The following LGSN variants were observed in gnomAD, a reference collection of about 807,000 sequenced individuals.
LGSN encodes lengsin.
In LGSN, 21 loss-of-function variants were observed where a neutral mutation model predicts 19.5. The observed-to-expected ratio is 1.07, with a 90% CI of 0.76 to 1.55. The LOEUF is 1.55. Among genes scored for constraint, LGSN ranks in the 40% most tolerant of loss-of-function variants. The pLI, the probability that LGSN is intolerant of heterozygous loss-of-function variation, is 0.00. For missense variants in LGSN, 673 were observed against 608.5 expected, an observed-to-expected ratio of 1.11 and a Z score of -1.12; for synonymous variants, 257 against 215.6, an observed-to-expected ratio of 1.19 and a Z score of -1.68.
At chr6:63,440,633 G>A in the LGSN span, 2 of 152,284 alleles carry the variant, frequency 1.3e-5, no homozygotes, top group Non-Finnish European at 1.5e-5. Context: ...ACAAGGTGTA[G>A]GCACCAGAGG....
intron 1 of LGSN, among the ~76,000 whole-genome samples, chr6:63,312,316 A>G (rs1414078521): frequency 1.3e-5 from 2 of 152,202 alleles, no homozygotes; most frequent in Non-Finnish European, 2.9e-5. Context: ...ATATATATCC[A>G]GTAGTGGATT....
the LGSN span, among the ~76,000 whole-genome samples, chr6:63,416,130 T>C: frequency 1.3e-5 from 2 of 151,922 alleles, no homozygotes; most frequent in Non-Finnish European, 2.9e-5. Context: ...TTTTGCTTTT[T>C]TTTTTTCAGA....
intron 3 of LGSN, among the ~76,000 whole-genome samples, 176 bp from the exon 4 acceptor site, chr6:63,281,396 A>T (rs1186510463): frequency 6.7e-6 from 1 of 148,234 alleles, no homozygotes; most frequent in African/African-American, 2.5e-5. Context: ...GATAAATGTT[A>T]AACATTTTAA....
At chr6:63,394,490 G>A in the LGSN span, among the ~76,000 whole-genome samples, 7 of 152,258 alleles carry the variant, frequency 4.6e-5, no homozygotes, top group South Asian at 1.2e-3. Context: ...AAAGGGGGAG[G>A]AACCCTCAGT....
the LGSN span, among the ~76,000 whole-genome samples, chr6:63,450,526 C>T: frequency 7.0e-6 from 1 of 143,254 alleles, no homozygotes; most frequent in Non-Finnish European, 1.5e-5. Flanking sequence ...GCCTGGGCAA[C>T]AAGAGCAAAA....
chr6:63,326,788 T>C, the LGSN span, among the ~76,000 whole-genome samples: 2 of 152,056 alleles, frequency 1.3e-5, no homozygotes, highest in Non-Finnish European at 2.9e-5. Context: ...GAACTCCAGC[T>C]GGCCCGCAAG....
chr6:63,360,104 T>A, the LGSN span, among the ~76,000 whole-genome samples: 4 of 152,228 alleles, frequency 2.6e-5, no homozygotes, highest in Admixed American at 1.3e-4. Flanking sequence ...CATTTTTTCC[T>A]TCATTTCAAC....
chr6:63,549,178 T>C, the LGSN span: 637 of 687,508 alleles, frequency 9.3e-4, 8 homozygotes, highest in East Asian at 0.015. Flanking sequence ...AGCCTCTGTT[T>C]CTTCTCTTGC....
the LGSN span, among the ~76,000 whole-genome samples, chr6:63,445,815 G>C: frequency 6.6e-6 from 1 of 151,978 alleles, no homozygotes; most frequent in East Asian, 1.9e-4. Flanking sequence ...TTCCACCCTA[G>C]GTTCCTTATC....
At chr6:63,459,475 G>C in the LGSN span, among the ~76,000 whole-genome samples, 1 of 151,814 alleles carries the variant, frequency 6.6e-6, no homozygotes, top group South Asian at 2.1e-4. Flanking sequence ...AGTTGGTCTT[G>C]AACTCCTGCC....
the LGSN span, among the ~76,000 whole-genome samples, chr6:63,537,232 G>A: frequency 2.0e-4 from 30 of 152,214 alleles, no homozygotes; most frequent in Middle Eastern, 6.8e-3. Context: ...GTGGTTCCTG[G>A]ACCAATAGCA....
upstream of LGSN, chr6:63,320,123 G>T: frequency 3.5e-6 from 2 of 571,436 alleles, no homozygotes; most frequent in South Asian, 2.4e-5. Flanking sequence ...CATGCCCAAG[G>T]CACAGTATGC....
the LGSN span, among the ~76,000 whole-genome samples, chr6:63,471,848 G>C: frequency 6.6e-6 from 1 of 151,954 alleles, no homozygotes; most frequent in East Asian, 1.9e-4. Flanking sequence ...CATGAGGGTG[G>C]GGACCCTCAG....
intron 2 of LGSN, among the ~76,000 whole-genome samples, chr6:63,286,414 TA>T (rs1767538153): frequency 6.6e-6 from 1 of 152,126 alleles, no homozygotes; most frequent in Non-Finnish European, 1.5e-5. Context: ...ATTAGAAACA[TA>T]AAAAACATTC....
At chr6:63,398,606 T>C in the LGSN span, among the ~76,000 whole-genome samples, 1 of 152,062 alleles carries the variant, frequency 6.6e-6, no homozygotes, top group Admixed American at 6.6e-5. Context: ...GTTGATAAAG[T>C]AAAAAAATTA....
chr6:63,570,207 T>G, the LGSN span, among the ~76,000 whole-genome samples: 3 of 152,154 alleles, frequency 2.0e-5, no homozygotes, highest in African/African-American at 7.2e-5. Context: ...GGCAGGTGGC[T>G]GTAATCCCAG....
chr6:63,285,920 C>A lies in LGSN; in HGVS notation c.164-167G>T, dbSNP rs569840026. Among the ~76,000 whole-genome samples, 224 of 152,192 alleles carry A rather than the reference C, an allele frequency of 1.5e-3. 1 individual carries two copies. The highest frequency in any genetic ancestry group is 2.6e-3 in the Non-Finnish European group (179 of 68,006). ...CTTACCTTTCTTATTCTGCCTTTAC[C>A]GTCTTCCCAAGAACACTGTGTCTAA... is the stretch of plus-strand genomic sequence containing the variant. On this transcript the variant is annotated intron_variant, in intron 2 of 3. Coordinates refer to ENST00000370657, the MANE Select transcript of LGSN (RefSeq NM_016571.3).
chr6:63,297,073 G>A (rs1341957897), intron 1 of LGSN, among the ~76,000 whole-genome samples: 1 of 152,042 alleles, frequency 6.6e-6, no homozygotes, highest in Non-Finnish European at 1.5e-5. Flanking sequence ...CAGGCGCGGT[G>A]GCTCACACAT....
At chr6:63,287,817 AT>A in intron 2 of LGSN, among the ~76,000 whole-genome samples, 1 of 152,276 alleles carries the variant, frequency 6.6e-6, no homozygotes, top group Non-Finnish European at 1.5e-5. Flanking sequence ...AGAAAGGGTA[AT>A]TTTATTGGTT....
Sources: allele counts gnomAD v4.1 joint callset (sites outside exome capture counted in the v4.1 genomes callset), GRCh38; gene constraint gnomAD v4.1.1; transcripts MANE v1.5; gene names NCBI Gene and HGNC (gene_info 2026-07-23, HGNC 2026-07-21).